The following LINS1 variants were observed in gnomAD, a reference collection of about 807,000 sequenced individuals.
LINS1 encodes protein Lines homolog 1.
Under a neutral mutation model 41.6 loss-of-function variants are expected in LINS1, and 27 were observed. The observed-to-expected ratio is 0.65, with a 90% CI of 0.48 to 0.89. The LOEUF (loss-of-function observed/expected upper bound fraction) is 0.89. Ranked by LOEUF, LINS1 falls within the 40% of genes least tolerant of loss-of-function variation. LINS1 has a pLI of 0.00. For synonymous variants in LINS1, 336 were observed against 312.9 expected, an observed-to-expected ratio of 1.07 and a Z score of -0.78; for missense variants, 955 against 884.1, an observed-to-expected ratio of 1.08 and a Z score of -1.02.
In LINS1 at chr15:100,601,498, T is replaced by G. The variant is rs75428278; in HGVS notation, c.-104+623A>C. Among the ~76,000 whole-genome samples the G allele has an allele frequency of 1.1e-4, 16 of 152,264 alleles. No individual in the cohort carries two copies. The East Asian group carries it at 3.1e-3, about 29-fold the overall frequency. On this transcript the variant is annotated intron_variant, in intron 1 of 6. Coordinates refer to ENST00000314742, the MANE Select transcript of LINS1 (RefSeq NM_001040616.3). Reference sequence around the variant, plus strand: ...ACTCTACCTCTCAGTACTGCCACATTGGGGATTAAATTTCAACATGAGTTT... The same window carrying G: ...ACTCTACCTCTCAGTACTGCCACATGGGGGATTAAATTTCAACATGAGTTT...
intron 5 of LINS1, chr15:100,572,441 C>G: frequency 9.5e-7 from 1 of 1,054,388 alleles, no homozygotes; most frequent in East Asian, 8.2e-5. Flanking sequence ...AGAATGCAAC[C>G]AAGCAAAAAT....
At chr15:100,571,708 G>A (rs2141268655) in intron 6 of LINS1, among the ~76,000 whole-genome samples, 186 bp downstream of exon 6, 1 of 152,300 alleles carries the variant, frequency 6.6e-6, no homozygotes, top group Non-Finnish European at 1.5e-5. Flanking sequence ...TGCCCAGCCA[G>A]CCAGGTTTTC....
In LINS1 at chr15:100,569,385, A is replaced by T; in HGVS notation, c.2127T>A (p.Phe709Leu). The T allele has an allele frequency of 6.2e-7, 1 of 1,614,158 alleles. No individual in the cohort carries two copies. Among genetic ancestry groups the T allele is most frequent in the South Asian group, 1.1e-5 (1 of 91,074 alleles). The change falls in exon 7 of 7, where the codon TTT (phenylalanine) becomes TTA (leucine). Residue 709 changes from phenylalanine to leucine, a missense_variant. Coordinates refer to ENST00000314742, the MANE Select transcript of LINS1 (RefSeq NM_001040616.3). ...CCTGGAAGCATTTTACTATTCTGTA[A>T]AATATTCCCACTTCAGAGACGACAT... ...PNDVVSEVGI[F>L]YRIVKCFQEL...
intron 1 of LINS1, among the ~76,000 whole-genome samples, chr15:100,597,450 G>C (rs1049429917): frequency 6.6e-6 from 1 of 152,180 alleles, no homozygotes; most frequent in East Asian, 1.9e-4. Context: ...GATTTAGTGG[G>C]TCTGGGAGGG....
At chr15:100,587,951 G>A (rs1019294797) in intron 1 of LINS1, among the ~76,000 whole-genome samples, 1 of 152,184 alleles carries the variant, frequency 6.6e-6, no homozygotes. Flanking sequence ...GGGAGAAAGA[G>A]CCCAGAAATC....
intron 1 of LINS1, among the ~76,000 whole-genome samples, chr15:100,582,924 A>G (rs1479413601): frequency 7.5e-5 from 10 of 132,572 alleles, no homozygotes; most frequent in South Asian, 2.5e-4. Context: ...TGGGTCTTCC[A>G]TCTACACTAT....
rs750560619 is a variant in LINS1, at chr15:100,574,021, T to C, written c.852A>G (p.Leu284=). 6 of 1,613,962 alleles carry C rather than the reference T, an allele frequency of 3.7e-6. No homozygotes were observed. In the African/African-American group the frequency reaches 4.0e-5, roughly 11 times the overall value. The part of the protein sequence containing the change: ...RILFLKPSCM[L]EVITWPIQAF... ...CCTGAATAGGCCAGGTAATAACTTC[T>C]AGCATGCAAGATGGTTTCAAAAATA... Residue 284 remains leucine, a synonymous_variant, in exon 5 of 7, where the codon CTA becomes CTG. Coordinates refer to ENST00000314742, the MANE Select transcript of LINS1 (RefSeq NM_001040616.3).
intron 5 of LINS1, chr15:100,573,288 C>T: frequency 1.2e-6 from 1 of 800,056 alleles, no homozygotes; most frequent in Non-Finnish European, 1.6e-6. Context: ...TGCAGTGGGC[C>T]ATGGTCACGC....
At chr15:100,581,851 C>G (rs1451209294) in intron 1 of LINS1, among the ~76,000 whole-genome samples, 3 of 152,212 alleles carry the variant, frequency 2.0e-5, no homozygotes, top group East Asian at 1.9e-4. Flanking sequence ...TTTTAACATT[C>G]CTTCACCCTA....
At chr15:100,598,716 C>T (rs2141367509) in intron 1 of LINS1, among the ~76,000 whole-genome samples, 1 of 152,312 alleles carries the variant, frequency 6.6e-6, no homozygotes, top group East Asian at 1.9e-4. Context: ...CCTTTTCTGC[C>T]AGGTACAGCT....
intron 4 of LINS1, 39 bp from the exon 5 acceptor site, chr15:100,574,280 A>T (rs552050211): frequency 1.8e-6 from 2 of 1,129,206 alleles, no homozygotes; most frequent in Admixed American, 3.9e-5. Flanking sequence ...CAGGAAAAAC[A>T]GTCTTCTTCA....
In LINS1 at chr15:100,572,024, T is replaced by G. The variant is rs771689202; in HGVS notation, c.1264A>C (p.Lys422Gln). 2.5e-6 allele frequency: 4 copies of G among 1,614,074 alleles called. No homozygotes were observed. In the African/African-American group the frequency reaches 5.3e-5, roughly 22 times the overall value. Residue 422 changes from lysine to glutamine, a missense_variant, in exon 6 of 7, where the codon AAG becomes CAG. By Grantham distance (53) the Lys-to-Gln change is moderately conservative. Coordinates refer to ENST00000314742, the MANE Select transcript of LINS1 (RefSeq NM_001040616.3). ...TGCAGAGAGGGCTGAAGATGAGGCT[T>G]TAAGAAGGTCAGTAACTCAGACATG... is the stretch of plus-strand genomic sequence containing the variant. ...RFMSELLTFL[K>Q]PHLQPSLQLH...
chr15:100,585,847 A>G (rs1483352982), intron 1 of LINS1, among the ~76,000 whole-genome samples: 1 of 152,232 alleles, frequency 6.6e-6, no homozygotes, highest in Non-Finnish European at 1.5e-5. Flanking sequence ...TGGTAAAATA[A>G]AAACAGAAGT....
In LINS1 at chr15:100,569,773, G is replaced by A; in HGVS notation, c.1739C>T (p.Pro580Leu). 6.2e-7 allele frequency: 1 copy of A among 1,613,964 alleles called. No homozygotes were observed. The highest frequency in any genetic ancestry group is 8.5e-7 in the Non-Finnish European group (1 of 1,179,938). ...NQTIPHRLTA[P>L]HSHRDVCARH... ...AGCACACACATCTCTGTGACTATGA[G>A]GAGCAGTCAAACGATGGGGTATTGT... Residue 580 changes from proline (P) to leucine (L), a missense_variant, in exon 7 of 7, where the codon CCT becomes CTT. Transcript: ENST00000314742.
Position 100,568,162 on chromosome 15 carries a change from G to C in LINS1, c.*1076C>G, listed in dbSNP as rs1166466321. 2 of 144,670 alleles carry C rather than the reference G, an allele frequency of 1.4e-5. No homozygotes were observed. The highest frequency in any genetic ancestry group is 5.0e-5 in the African/African-American group (2 of 40,022). 9.0% of individuals were successfully genotyped at this position (144,670 alleles called of 1,614,324 possible). ...AAATTAGTGATTAAATTTTTTTTTA[G>C]AAAGAATCATGTTCATACAGTAGGC... On this transcript the variant is annotated 3_prime_UTR_variant, in exon 7 of 7. Transcript: ENST00000314742.
At chr15:100,581,306 T>C (rs953695225) in intron 1 of LINS1, among the ~76,000 whole-genome samples, 2 of 152,176 alleles carry the variant, frequency 1.3e-5, no homozygotes, top group African/African-American at 4.8e-5. Flanking sequence ...TTGGCAGCAT[T>C]CCTGACCTCT....
In LINS1 at chr15:100,569,681, T is replaced by C. The variant is rs1422363084; in HGVS notation, c.1831A>G (p.Thr611Ala). ...GAAGACAGACTAGAAGCACACATGG[T>C]GTGAGCCCCCTTGGACATCACAGCT... ...LKAVMSKGAH[T>A]MCASSLSSPR... The change falls in exon 7 of 7, where the codon ACC becomes GCC. Residue 611 changes from threonine to alanine, a missense_variant. Transcript: ENST00000314742. 3 of 1,613,864 alleles carry C rather than the reference T, an allele frequency of 1.9e-6. No homozygotes were observed. The highest frequency in any genetic ancestry group is 1.7e-4 in the Middle Eastern group (1 of 6,058).
rs771451811 is a variant in LINS1 at position 100,569,480 on chromosome 15, G to A, written c.2032C>T (p.Pro678Ser). ...RDKKEFSLEP[P>S]SRPLVLKEFD... is the part of the protein sequence containing the mutation. ...TCTTTCAGAACCAGAGGCCTTGATG[G>A]AGGCTCAAGGCTAAATTCTTTTTTA... The change falls in exon 7 of 7, where the codon CCA (proline) becomes TCA (serine). Residue 678 changes from proline to serine, a missense_variant. Physicochemically the swap from Pro to Ser is moderately conservative, Grantham distance 74. Coordinates refer to ENST00000314742, the MANE Select transcript of LINS1 (RefSeq NM_001040616.3). The A allele has an allele frequency of 7.4e-5, 119 of 1,614,050 alleles. 3 individuals are homozygous for A. In the Middle Eastern group the frequency reaches 7.1e-3, roughly 96 times the overall value.
Position 100,574,969 on chromosome 15 carries a change from G to A in LINS1, c.631+18C>T, listed in dbSNP as rs760561471. 6.2e-7 allele frequency: 1 copy of A among 1,610,200 alleles called. No homozygotes were observed. Among genetic ancestry groups the A allele is most frequent in the South Asian group, 1.1e-5 (1 of 90,912 alleles). ...AGGAGCAAGATGATGATTGTTTATG[G>A]GGCCATGTAATCCATACCTGTTTTC... On this transcript the variant is annotated intron_variant, in intron 4 of 6. Coordinates refer to ENST00000314742, the MANE Select transcript of LINS1 (RefSeq NM_001040616.3).
Sources: allele counts gnomAD v4.1 joint callset (sites outside exome capture counted in the v4.1 genomes callset), GRCh38; gene constraint gnomAD v4.1.1; transcripts MANE v1.5; gene names NCBI Gene and HGNC (gene_info 2026-07-23, HGNC 2026-07-21).